Variants in SHQ1 observed in about 807,000 individuals in gnomAD.
SHQ1 encodes the protein protein SHQ1 homolog.
SHQ1 carries 49 observed loss-of-function variants against 53.8 expected under a neutral mutation model. The observed-to-expected ratio is 0.91, with a 90% CI of 0.72 to 1.16. The LOEUF (loss-of-function observed/expected upper bound fraction) is 1.16, where lower values mean the gene tolerates loss of function less well. Ranked by LOEUF, SHQ1 falls within the 50% of genes most tolerant of loss-of-function variation. The pLI is 0.00. For missense variants in SHQ1, 738 were observed against 683.1 expected, an observed-to-expected ratio of 1.08 and a Z score of -0.90; for synonymous variants, 243 against 251.0, an observed-to-expected ratio of 0.97 and a Z score of 0.30.
intron 10 of SHQ1, among the ~76,000 whole-genome samples, chr3:72,781,759 A>C (rs1706080012): frequency 1.3e-5 from 2 of 152,112 alleles, no homozygotes; most frequent in Admixed American, 6.6e-5. Context: ...TGGCCTTTTA[A>C]GCTTCTAATC....
chr3:72,767,823 C>A (rs529062305), intron 10 of SHQ1, among the ~76,000 whole-genome samples: 1 of 152,312 alleles, frequency 6.6e-6, no homozygotes, highest in Admixed American at 6.5e-5. Flanking sequence ...TAGGTGGTTG[C>A]CAGAACCAAA....
At chr3:72,831,259 T>C (rs1020087263) in intron 5 of SHQ1, among the ~76,000 whole-genome samples, 2 of 152,310 alleles carry the variant, frequency 1.3e-5, no homozygotes, top group East Asian at 3.9e-4. Context: ...CTCATTCCAT[T>C]TGCACATCAC....
chr3:72,777,115 T>A (rs1446747660), intron 10 of SHQ1, among the ~76,000 whole-genome samples: 1 of 152,304 alleles, frequency 6.6e-6, no homozygotes, highest in Non-Finnish European at 1.5e-5. Context: ...GAAGATACTA[T>A]AGGAGAATAT....
intron 10 of SHQ1, among the ~76,000 whole-genome samples, chr3:72,778,812 T>C (rs577118468): frequency 3.9e-5 from 6 of 152,194 alleles, no homozygotes; most frequent in Admixed American, 1.3e-4. Flanking sequence ...ATAGAAAAGA[T>C]TCCTCTAACA....
At chr3:72,823,759 T>G (rs1177054935) in intron 6 of SHQ1, among the ~76,000 whole-genome samples, 2 of 152,214 alleles carry the variant, frequency 1.3e-5, no homozygotes, top group Non-Finnish European at 2.9e-5. Context: ...CTAATAGTGA[T>G]TACTTCCGGG....
At chr3:72,792,612 C>A (rs1706473815) in intron 10 of SHQ1, among the ~76,000 whole-genome samples, 1 of 151,754 alleles carries the variant, frequency 6.6e-6, no homozygotes, top group Admixed American at 6.6e-5. Context: ...GTGGTGAAAC[C>A]CCGTCTCTAC....
intron 10 of SHQ1, among the ~76,000 whole-genome samples, chr3:72,770,969 A>C (rs1330644480): frequency 6.6e-6 from 1 of 152,188 alleles, no homozygotes; most frequent in African/African-American, 2.4e-5. Flanking sequence ...AACATATAAC[A>C]ATCTCCTGTA....
At chr3:72,734,288 G>A in the SHQ1 span, among the ~76,000 whole-genome samples, 12 of 150,734 alleles carry the variant, frequency 8.0e-5, no homozygotes, top group African/African-American at 2.2e-4. Flanking sequence ...ATGGAGTCTC[G>A]CTCTGTTGCC....
At chr3:72,796,167 G>A (rs1706614474) in intron 9 of SHQ1, among the ~76,000 whole-genome samples, 1 of 151,370 alleles carries the variant, frequency 6.6e-6, no homozygotes, top group Non-Finnish European at 1.5e-5. Flanking sequence ...AAACCATTTG[G>A]CTAGAGCAAA....
intron 10 of SHQ1, among the ~76,000 whole-genome samples, chr3:72,753,903 A>G (rs965286065): frequency 6.6e-6 from 1 of 152,208 alleles, no homozygotes; most frequent in Non-Finnish European, 1.5e-5. Context: ...AGCTGCTGCA[A>G]AGTTCAGTCA....
chr3:72,846,386 C>T (rs1337586513), intron 1 of SHQ1: 2 of 1,359,702 alleles, frequency 1.5e-6, no homozygotes, highest in East Asian at 2.5e-5. Context: ...CCTTCGCCCC[C>T]CAGGTTCAAG....
intron 4 of SHQ1, among the ~76,000 whole-genome samples, chr3:72,837,309 A>T (rs1708031941): frequency 6.6e-6 from 1 of 152,196 alleles, no homozygotes; most frequent in South Asian, 2.1e-4. Context: ...TTATTTTCTT[A>T]TTATCAGTAT....
chr3:72,801,022 G>T (rs1706770382), intron 9 of SHQ1, among the ~76,000 whole-genome samples: 1 of 152,084 alleles, frequency 6.6e-6, no homozygotes, highest in Admixed American at 6.5e-5. Context: ...TCAAAACAGT[G>T]ATTGTTTCAG....
chr3:72,775,732 C>T (rs949107012), intron 10 of SHQ1, among the ~76,000 whole-genome samples: 4 of 151,740 alleles, frequency 2.6e-5, no homozygotes, highest in Non-Finnish European at 4.4e-5. Context: ...AATGCAAGGC[C>T]GAATTTGTTC....
intron 9 of SHQ1, among the ~76,000 whole-genome samples, chr3:72,811,061 A>C (rs989201987): frequency 6.6e-6 from 1 of 152,248 alleles, no homozygotes; most frequent in Admixed American, 6.5e-5. Context: ...AAGTCAAGGC[A>C]ATCGAATTTA....
At chr3:72,759,628 T>C (rs774042190) in intron 10 of SHQ1, among the ~76,000 whole-genome samples, 19 of 151,920 alleles carry the variant, frequency 1.3e-4, no homozygotes, top group Non-Finnish European at 2.4e-4. Context: ...GAGGCGGAGG[T>C]TGTAGTGAGC....
chr3:72,781,306 T>C lies in SHQ1; in HGVS notation c.1181+11610A>G, dbSNP rs1373159813. 2.0e-5 allele frequency among the ~76,000 whole-genome samples: 3 copies of C among 152,140 alleles called. No homozygotes were observed. In the East Asian group the frequency reaches 5.8e-4, roughly 29 times the overall value. The stretch of plus-strand genomic sequence containing the variant: ...CTCGACCCCAGGTGATCCGCTCACC[T>C]TGGTCTCCCAAAGTGCTGGGATTAT... On this transcript the variant is annotated intron_variant, in intron 10 of 10. Transcript: ENST00000325599.
At chr3:72,776,020 G>C (rs1336528764) in intron 10 of SHQ1, among the ~76,000 whole-genome samples, 2 of 152,060 alleles carry the variant, frequency 1.3e-5, no homozygotes. Flanking sequence ...AAGGGCCTAG[G>C]CCAGTGCAAT....
chr3:72,766,273 C>T (rs962192713), intron 10 of SHQ1, among the ~76,000 whole-genome samples: 9 of 152,098 alleles, frequency 5.9e-5, no homozygotes, highest in Admixed American at 6.5e-5. Flanking sequence ...TTCTACAAGC[C>T]ATCTGGATGC....
Sources: gnomAD v4.1 joint callset for allele counts (sites outside exome capture counted in the v4.1 genomes callset) on GRCh38, gnomAD v4.1.1 for gene constraint, MANE v1.5 for transcripts, NCBI Gene and HGNC (gene_info 2026-07-23, HGNC 2026-07-21) for gene names.